Variants in SPRYD7 observed in about 807,000 individuals in gnomAD.
The protein encoded by SPRYD7 is SPRY domain-containing protein 7.
SPRYD7 carries 14 observed loss-of-function variants against 23.8 expected under a neutral mutation model. The ratio of observed to expected loss-of-function variants is 0.59; its 90% CI spans 0.39 to 0.92. The LOEUF (loss-of-function observed/expected upper bound fraction) is 0.92. SPRYD7 is among the 40% of genes least tolerant of loss of function. The probability of loss-of-function intolerance (pLI) is 0.00; values close to 1 mark genes in which losing one functional copy is unlikely to be tolerated. For missense variants in SPRYD7, 194 were observed against 241.7 expected (o/e 0.80, Z 1.31); for synonymous variants, 75 against 84.9 (o/e 0.88, Z 0.64).
chr13:49,919,798 A>C (rs1955797457), intron 4 of SPRYD7, among the ~76,000 whole-genome samples: 2 of 150,228 alleles, frequency 1.3e-5, no homozygotes, highest in South Asian at 4.2e-4. Flanking sequence ...CATTGTGGTT[A>C]TGTTTTTCTA....
At position 49,913,140 on chromosome 13, in the gene SPRYD7, G is replaced by A. The variant is rs1328423738; in HGVS notation, c.*1923C>T. ...AGAAGCATCATGAGAACCACTTTCT[G>A]GCTGGGTGTGGTGGCTTACGCCTAT... On this transcript the variant is annotated 3_prime_UTR_variant, in exon 5 of 5. Transcript: ENST00000361840. The A allele has an allele frequency of 6.6e-6, 1 of 152,216 alleles. No homozygotes were observed. The highest frequency in any genetic ancestry group is 2.4e-5 in the African/African-American group (1 of 41,448). The allele number at this position is 152,216 out of a possible 1,614,324, so 9.4% of individuals were successfully genotyped here.
At position 49,914,144 on chromosome 13, in the gene SPRYD7, T is replaced by G. The variant is rs1279202361; in HGVS notation, c.*919A>C. 6.5e-6 allele frequency: 1 copy of G among 153,766 alleles called. No homozygotes were observed. The highest frequency in any genetic ancestry group is 6.5e-5 in the Admixed American group (1 of 15,274). 9.5% of individuals were successfully genotyped at this position (153,766 alleles called of 1,614,324 possible). ...GGCGTTAACTAAAGGACAGTGATTC[T>G]TAAGAACCAGGCAAAGACTCAGGGT... On this transcript the variant is annotated 3_prime_UTR_variant, in exon 5 of 5. Transcript: ENST00000361840.
At chr13:49,919,604 G>T (rs1037154874) in intron 4 of SPRYD7, among the ~76,000 whole-genome samples, 2 of 151,532 alleles carry the variant, frequency 1.3e-5, no homozygotes, top group Admixed American at 6.6e-5. Flanking sequence ...ATACACACCT[G>T]TAATCCCAGC....
At chr13:49,917,546 T>C (rs1023728335) in intron 4 of SPRYD7, among the ~76,000 whole-genome samples, 1 of 152,166 alleles carries the variant, frequency 6.6e-6, no homozygotes, top group Admixed American at 6.5e-5. Flanking sequence ...GGGATTTAAG[T>C]TTTATGTTTA....
In SPRYD7 at chr13:49,915,173, AAAAG is replaced by A; in HGVS notation, c.494-17_494-14del. The A allele has an allele frequency of 1.5e-6, 2 of 1,301,616 alleles. No individual in the cohort carries two copies. Among genetic ancestry groups the A allele is most frequent in the Non-Finnish European group, 2.1e-6 (2 of 935,702 alleles). The allele number at this position is 1,301,616 out of a possible 1,614,324, so 80.6% of individuals were successfully genotyped here. On this transcript the variant is annotated splice_polypyrimidine_tract_variant and intron_variant, in intron 4 of 4. Coordinates refer to ENST00000361840, the MANE Select transcript of SPRYD7 (RefSeq NM_020456.4). Reference sequence around the variant, plus strand: ...GCACTGTCATCAACTAAAGGATACAAAAAGAAAGAAAATAAATTAGAAGCAAATA... The same window carrying A: ...GCACTGTCATCAACTAAAGGATACAAAAAGAAAATAAATTAGAAGCAAATA...
chr13:49,918,396 A>G (rs558289548), intron 4 of SPRYD7, among the ~76,000 whole-genome samples: 1 of 134,682 alleles, frequency 7.4e-6, no homozygotes, highest in South Asian at 2.5e-4. Context: ...ATGTAATTAA[A>G]TTAGTTCTTT....
intron 1 of SPRYD7, 114 bp from the exon 2 acceptor site, chr13:49,931,248 T>G: frequency 1.8e-6 from 1 of 542,148 alleles, no homozygotes; most frequent in South Asian, 2.1e-5. Flanking sequence ...GGCACGGTCT[T>G]GGCTCACTGC....
chr13:49,925,275 C>T (rs1955869213), intron 3 of SPRYD7, among the ~76,000 whole-genome samples: 1 of 151,718 alleles, frequency 6.6e-6, no homozygotes, highest in Admixed American at 6.6e-5. Flanking sequence ...ACTTGTAGTC[C>T]CAGCTACTAG....
chr13:49,918,002 T>C (rs1336047682), intron 4 of SPRYD7, among the ~76,000 whole-genome samples: 1 of 152,256 alleles, frequency 6.6e-6, no homozygotes, highest in Non-Finnish European at 1.5e-5. Flanking sequence ...TTTGTTATTG[T>C]ATAATTCTGA....
chr13:49,916,539 A>C (rs1362412331), intron 4 of SPRYD7, among the ~76,000 whole-genome samples: 1 of 150,948 alleles, frequency 6.6e-6, no homozygotes, highest in Non-Finnish European at 1.5e-5. Flanking sequence ...TATACAACAA[A>C]CCCCCCACCG....
intron 3 of SPRYD7, among the ~76,000 whole-genome samples, chr13:49,927,104 C>T (rs896789564): frequency 6.6e-6 from 1 of 152,058 alleles, no homozygotes; most frequent in Admixed American, 6.5e-5. Context: ...TTTTGAGTTC[C>T]GTTCTCTGAA....
chr13:49,935,873 C>A (rs2138247649), intron 1 of SPRYD7: 1 of 296,286 alleles, frequency 3.4e-6, no homozygotes, highest in Middle Eastern at 9.4e-4. Context: ...AGGAAGCCTC[C>A]GAGATTCCTG....
chr13:49,918,755 C>G lies in SPRYD7; in HGVS notation c.493+2723G>C, dbSNP rs577506145. On this transcript the variant is annotated intron_variant, in intron 4 of 4. Coordinates refer to ENST00000361840, the MANE Select transcript of SPRYD7 (RefSeq NM_020456.4). Reference sequence around the variant, plus strand: ...GTGGAGACTAAGTCTTGCTCTGTCGCCCAGGCTGGAGTGCAATGGCATGAT... The same window carrying G: ...GTGGAGACTAAGTCTTGCTCTGTCGGCCAGGCTGGAGTGCAATGGCATGAT... Among the ~76,000 whole-genome samples, 26 of 151,830 alleles carry G rather than the reference C, an allele frequency of 1.7e-4. No homozygotes were observed. In the East Asian group the frequency reaches 4.9e-3, roughly 28 times the overall value.
In SPRYD7 at chr13:49,931,242, C is replaced by T. The variant is rs920329885; in HGVS notation, c.107-108G>A. On this transcript the variant is annotated intron_variant, in intron 1 of 4. Transcript: ENST00000361840. Reference sequence around the variant, plus strand: ...TCACCCAGGCTGGAGTGCAGTGGCACGGTCTTGGCTCACTGCAACCTCTGC... The same window carrying T: ...TCACCCAGGCTGGAGTGCAGTGGCATGGTCTTGGCTCACTGCAACCTCTGC... 1.3e-4 allele frequency: 79 copies of T among 603,616 alleles called. No homozygotes were observed. The Admixed American group carries it at 1.5e-3, about 12-fold the overall frequency. 37.4% of individuals were successfully genotyped at this position (603,616 alleles called of 1,614,324 possible).
At chr13:49,926,149 GT>G (rs1259447484) in intron 3 of SPRYD7, among the ~76,000 whole-genome samples, 1 of 152,114 alleles carries the variant, frequency 6.6e-6, no homozygotes, top group East Asian at 1.9e-4. Flanking sequence ...GTATTTCATA[GT>G]TTTAGTTCTC....
In SPRYD7 at chr13:49,936,287, C is replaced by T. The variant is rs1352282005; in HGVS notation, c.-52G>A. The T allele has an allele frequency of 7.4e-7, 1 of 1,354,598 alleles. No homozygotes were observed. The highest frequency in any genetic ancestry group is 1.0e-6 in the Non-Finnish European group (1 of 985,316). The allele number at this position is 1,354,598 out of a possible 1,614,324, so 83.9% of individuals were successfully genotyped here. A position where few individuals can be genotyped will look rare whatever the true frequency, so the allele number is the denominator to read the frequency against. ...CGTCCCTAGACCGAGGCGACACTGC[C>T]CCCCGCCGCTCAGCTCCGTCTCCTG... On this transcript the variant is annotated 5_prime_UTR_variant, in exon 1 of 5. Transcript: ENST00000361840.
At chr13:49,918,403 C>CTT (rs11436488) in intron 4 of SPRYD7, among the ~76,000 whole-genome samples, 2,208 of 142,716 alleles carry the variant, frequency 0.015, 54 homozygotes, top group East Asian at 0.13. Flanking sequence ...TAAATTAGTT[C>CTT]TTTTTTTTTT....
chr13:49,926,572 A>G (rs1474293150), intron 3 of SPRYD7, among the ~76,000 whole-genome samples: 3 of 152,204 alleles, frequency 2.0e-5, no homozygotes, highest in Admixed American at 6.5e-5. Flanking sequence ...AATTCTGGAA[A>G]AAAAACTTCC....
At chr13:49,933,980 T>G (rs1201910655) in intron 1 of SPRYD7, among the ~76,000 whole-genome samples, 1 of 152,110 alleles carries the variant, frequency 6.6e-6, no homozygotes, top group Non-Finnish European at 1.5e-5. Flanking sequence ...AAAGTGGTTT[T>G]AAGTAATACA....
Sources: gnomAD v4.1 joint callset for allele counts (sites outside exome capture counted in the v4.1 genomes callset) on GRCh38, gnomAD v4.1.1 for gene constraint, MANE v1.5 for transcripts, NCBI Gene and HGNC (gene_info 2026-07-23, HGNC 2026-07-21) for gene names.